Variants in GFM2 observed in about 807,000 individuals in gnomAD.
The protein encoded by GFM2 is GTP dependent ribosome recycling factor mitochondrial 2.
A neutral mutation model predicts 95.4 loss-of-function variants in GFM2; 72 were observed. The observed-to-expected ratio is 0.76, with a 90% CI of 0.62 to 0.92. GFM2 has a LOEUF of 0.92. Ranked by LOEUF, GFM2 falls within the 40% of genes least tolerant of loss-of-function variation. GFM2 has a pLI of 0.00. For synonymous variants in GFM2, 276 were observed against 317.5 expected (o/e 0.87, Z 1.39); for missense variants, 825 against 924.1 (o/e 0.89, Z 1.39).
At chr5:74,730,640 C>G in intron 16 of GFM2, 1 of 313,110 alleles carries the variant, frequency 3.2e-6, no homozygotes, top group Non-Finnish European at 5.8e-6. Context: ...GTTGAATTAT[C>G]TGCTGGGCAA....
chr5:74,744,217 G>A (rs1050313433), intron 10 of GFM2, among the ~76,000 whole-genome samples: 1 of 152,056 alleles, frequency 6.6e-6, no homozygotes, highest in Non-Finnish European at 1.5e-5. Context: ...AATACTGTAG[G>A]CAACTGTAAC....
At chr5:74,727,660 G>A (rs747536780) in intron 17 of GFM2, among the ~76,000 whole-genome samples, 46 of 152,148 alleles carry the variant, frequency 3.0e-4, no homozygotes, top group Non-Finnish European at 3.5e-4. Flanking sequence ...CTTCAAGCTG[G>A]TTCCTGTGTC....
chr5:74,744,209 T>C (rs1743263643), intron 10 of GFM2, among the ~76,000 whole-genome samples: 1 of 152,138 alleles, frequency 6.6e-6, no homozygotes, highest in Admixed American at 6.5e-5. Context: ...CTGTACTGAA[T>C]ACTGTAGGCA....
At chr5:74,738,699 ACTTAAC>A in intron 12 of GFM2, 57 bp from the exon 13 acceptor site, 12 of 1,508,804 alleles carry the variant, frequency 8.0e-6, no homozygotes, top group Non-Finnish European at 9.0e-6. Context: ...AACTGCAGAA[ACTTAAC>A]CTTAATGTCC....
Position 74,760,908 on chromosome 5 carries a change from G to A in GFM2, c.142C>T (p.Leu48=), listed in dbSNP as rs1248289781. The A allele has an allele frequency of 1.9e-6, 3 of 1,597,546 alleles. No individual in the cohort carries two copies. Among genetic ancestry groups the A allele is most frequent in the Non-Finnish European group, 8.6e-7 (1 of 1,166,884 alleles). The change falls in exon 3 of 21, where the codon CTA becomes TTA. Residue 48 remains leucine, a synonymous_variant. Transcript: ENST00000296805. ...AAGACTCTAACATTTGTACCTGGTAGAGAACTGCAATTTCTTCCAAGCGGC... is the reference window on the plus strand; with the variant it reads ...AAGACTCTAACATTTGTACCTGGTAAAGAACTGCAATTTCTTCCAAGCGGC... ...HVPLGRNCSS[L]PGLIGNDIKS... is the part of the protein sequence containing the mutation.
rs778040866 is a variant in GFM2, at chr5:74,733,085, C to T, written c.1524G>A (p.Ala508=). Residue 508 remains alanine, a synonymous_variant, in exon 16 of 21, where the codon GCG becomes GCA. Coordinates refer to ENST00000296805, the MANE Select transcript of GFM2 (RefSeq NM_032380.5). ...SLSKQPDLEH[A]LKCLQREDPS... is the part of the protein sequence containing the mutation. ...GATCTTCACGCTGAAGACATTTCAA[C>T]GCATGTTCCAAATCTATGGGATAAA... 43 of 1,610,324 alleles carry T rather than the reference C, an allele frequency of 2.7e-5. No homozygotes were observed. In the South Asian group the frequency reaches 2.9e-4, roughly 11 times the overall value.
In GFM2 at chr5:74,721,236, T is replaced by C; in HGVS notation, c.*419A>G. 7.7e-7 allele frequency: 1 copy of C among 1,298,746 alleles called. No individual in the cohort carries two copies. Among genetic ancestry groups the C allele is most frequent in the Non-Finnish European group, 1.1e-6 (1 of 893,722 alleles). The allele number at this position is 1,298,746 out of a possible 1,614,324, so 80.5% of individuals were successfully genotyped here. ...TACAATCAACTTTATTTTGAAATCA[T>C]GTAAAATAAGATATTAGACTGTTTT... is the stretch of plus-strand genomic sequence containing the variant. On this transcript the variant is annotated 3_prime_UTR_variant, in exon 21 of 21. Transcript: ENST00000296805.
At chr5:74,761,552 T>G (rs1171933674) in intron 2 of GFM2, among the ~76,000 whole-genome samples, 1 of 152,128 alleles carries the variant, frequency 6.6e-6, no homozygotes, top group Non-Finnish European at 1.5e-5. Context: ...ATTAGAATCA[T>G]CTGGAAAGCT....
chr5:74,745,848 C>G lies in GFM2; in HGVS notation c.679G>C (p.Gly227Arg), dbSNP rs1400834018. The G allele has an allele frequency of 6.2e-7, 1 of 1,610,354 alleles. No homozygotes were observed. Among genetic ancestry groups the G allele is most frequent in the Non-Finnish European group, 8.5e-7 (1 of 1,178,696 alleles). The change falls in exon 10 of 21, where the codon GGT becomes CGT. Residue 227 changes from glycine (G) to arginine (R), a missense_variant. Gly to Arg is a moderately radical substitution (Grantham distance 125). Coordinates refer to ENST00000296805, the MANE Select transcript of GFM2 (RefSeq NM_032380.5). The stretch of plus-strand genomic sequence containing the variant: ...ACTCCTTTGAAAGTTTTGGCTTCAC[C>G]AATTGGTAACTGTAAGTCAGAGTGA... ...AKPLLLQLPIGEAKTFKGVVD... is the reference protein window; with the variant it reads ...AKPLLLQLPIREAKTFKGVVD...
intron 19 of GFM2, among the ~76,000 whole-genome samples, chr5:74,724,904 G>A (rs1750077580): frequency 6.6e-6 from 1 of 152,100 alleles, no homozygotes; most frequent in South Asian, 2.1e-4. Flanking sequence ...ATCCAGTTCT[G>A]GTAGGTTCAT....
At position 74,745,744 on chromosome 5, in the gene GFM2, G is replaced by T; in HGVS notation, c.783C>A (p.Leu261=). The T allele has an allele frequency of 6.2e-7, 1 of 1,613,890 alleles. No homozygotes were observed. Reference sequence around the variant, plus strand: ...GCAATTCAGGATCATTCATTTCCAAGAGGGGCTTTCTCTCAAAGTCTTTTC... The same window carrying T: ...GCAATTCAGGATCATTCATTTCCAATAGGGGCTTTCTCTCAAAGTCTTTTC... ...NDGKDFERKP[L]LEMNDPELLK... Residue 261 remains leucine, a synonymous_variant, in exon 10 of 21, where the codon CTC becomes CTA. Coordinates refer to ENST00000296805, the MANE Select transcript of GFM2 (RefSeq NM_032380.5).
intron 11 of GFM2, among the ~76,000 whole-genome samples, chr5:74,740,696 T>C (rs909697718): frequency 2.0e-4 from 31 of 152,304 alleles, no homozygotes; most frequent in African/African-American, 7.5e-4. Flanking sequence ...AATCATGTTA[T>C]GTGAAGATAG....
rs1377682620 is a variant in GFM2 at position 74,757,715 on chromosome 5, C to A, written c.304+1134G>T. ...CTGCACTCCAGCCTGGGCAACAGAG[C>A]AAGAGCCTATGTCTCTAAAAAAAAA... On this transcript the variant is annotated intron_variant, in intron 5 of 20. Coordinates refer to ENST00000296805, the MANE Select transcript of GFM2 (RefSeq NM_032380.5). Among the ~76,000 whole-genome samples, 7 of 107,322 alleles carry A rather than the reference C, an allele frequency of 6.5e-5. No individual in the cohort carries two copies. The East Asian group carries it at 1.5e-3, about 24-fold the overall frequency. The allele number at this position is 107,322 out of a possible 152,430, so 70.4% of individuals were successfully genotyped here.
chr5:74,733,949 C>T (rs911018222), intron 15 of GFM2, among the ~76,000 whole-genome samples: 1 of 152,064 alleles, frequency 6.6e-6, no homozygotes, highest in African/African-American at 2.4e-5. Flanking sequence ...TTAATACACT[C>T]AATTAACTGA....
At position 74,726,092 on chromosome 5, in the gene GFM2, ATG is replaced by A; in HGVS notation, c.1759_1760del (p.His587SerfsTer12). On this transcript the variant is annotated frameshift_variant, in exon 18 of 21. Coordinates refer to ENST00000296805, the MANE Select transcript of GFM2 (RefSeq NM_032380.5). LOFTEE classifies it high-confidence loss of function. Reference sequence around the variant, plus strand: ...TTGCTTCCACTTCTACAGTCACAAGATGCCTTTTGTCTCCTAAAGTTCTATCT... The same window carrying A: ...TTGCTTCCACTTCTACAGTCACAAGACCTTTTGTCTCCTAAAGTTCTATCT... The part of the protein sequence containing the change: ...TLDRTLGDKR[H>X]LVTVEVEARP... The A allele has an allele frequency of 6.2e-7, 1 of 1,611,346 alleles. No individual in the cohort carries two copies. The highest frequency in any genetic ancestry group is 8.5e-7 in the Non-Finnish European group (1 of 1,179,284).
In GFM2 at chr5:74,745,629, A is replaced by G. The variant is rs760293844; in HGVS notation, c.849+49T>C. On this transcript the variant is annotated intron_variant, in intron 10 of 20. Coordinates refer to ENST00000296805, the MANE Select transcript of GFM2 (RefSeq NM_032380.5). ...TGCTAAAGTATGACTATATTTTAAG[A>G]TAAGTGGTGCACACATTGGTGTTCA... 43 of 1,450,790 alleles carry G rather than the reference A, an allele frequency of 3.0e-5. No individual in the cohort carries two copies. The East Asian group carries it at 9.0e-4, about 30-fold the overall frequency. 89.9% of individuals were successfully genotyped at this position (1,450,790 alleles called of 1,614,324 possible).
chr5:74,722,307 T>G lies in GFM2; in HGVS notation c.2211+72A>C, dbSNP rs532754381. 6.8e-5 allele frequency: 80 copies of G among 1,174,280 alleles called. No individual in the cohort carries two copies. The Middle Eastern group carries it at 1.2e-3, about 18-fold the overall frequency. The allele number at this position is 1,174,280 out of a possible 1,614,324, so 72.7% of individuals were successfully genotyped here. ...CTTAATGTTTCTTTCAGGTTACTGA[T>G]TGTCTATTCATTGGCATATAATATC... On this transcript the variant is annotated intron_variant, in intron 20 of 20. Coordinates refer to ENST00000296805, the MANE Select transcript of GFM2 (RefSeq NM_032380.5).
At chr5:74,740,266 C>G in intron 11 of GFM2, 129 bp from the exon 12 acceptor site, 1 of 630,156 alleles carries the variant, frequency 1.6e-6, no homozygotes, top group Non-Finnish European at 2.7e-6. Flanking sequence ...ATTTTGTTGG[C>G]TTAGTTTTTA....
At chr5:74,735,865 T>C (rs1363127583) in intron 15 of GFM2, among the ~76,000 whole-genome samples, 1 of 152,190 alleles carries the variant, frequency 6.6e-6, no homozygotes, top group Non-Finnish European at 1.5e-5. Context: ...ACTAGCAGCC[T>C]TCCACTCTAC....
Sources: gnomAD v4.1 joint callset for allele counts (sites outside exome capture counted in the v4.1 genomes callset) on GRCh38, gnomAD v4.1.1 for gene constraint, MANE v1.5 for transcripts, NCBI Gene and HGNC (gene_info 2026-07-23, HGNC 2026-07-21) for gene names.